DGKB: variants seen among roughly 807,000 people sequenced by gnomAD.
DGKB encodes diacylglycerol kinase beta.
A neutral mutation model predicts 114.3 loss-of-function variants in DGKB; 67 were observed. The observed-to-expected ratio is 0.59, with a 90% CI of 0.48 to 0.72. DGKB has a LOEUF of 0.72. Ranked by LOEUF, DGKB falls within the 30% of genes least tolerant of loss-of-function variation. The pLI is 0.00. For synonymous variants in DGKB, 398 were observed against 323.1 expected (o/e 1.23, Z -2.49); for missense variants, 907 against 975.2 (o/e 0.93, Z 0.93).
intron 23 of DGKB, among the ~76,000 whole-genome samples, chr7:14,246,633 C>T (rs955334529): frequency 1.3e-5 from 2 of 152,088 alleles, no homozygotes; most frequent in Non-Finnish European, 2.9e-5. Context: ...GTAACTTTAG[C>T]AAATGTGGCT....
chr7:14,506,138 G>A (rs959545673), intron 20 of DGKB, among the ~76,000 whole-genome samples: 1 of 152,066 alleles, frequency 6.6e-6, no homozygotes, highest in Non-Finnish European at 1.5e-5. Flanking sequence ...CACTAGACAC[G>A]ATGACTAACC....
intron 23 of DGKB, among the ~76,000 whole-genome samples, chr7:14,321,019 G>T (rs117171258): frequency 6.6e-5 from 10 of 152,300 alleles, no homozygotes; most frequent in East Asian, 1.9e-4. Flanking sequence ...AGCCAGGAAA[G>T]GTGGCTCATG....
At position 14,277,220 on chromosome 7, in the gene DGKB, G is replaced by C. The variant is rs555100814; in HGVS notation, c.2122+61295C>G. Reference sequence around the variant, plus strand: ...GAGTCTCACTCTGTTGCCTGGGCTAGAGTGCAGTGATGTGATCTCGGCTCA... The same window carrying C: ...GAGTCTCACTCTGTTGCCTGGGCTACAGTGCAGTGATGTGATCTCGGCTCA... On this transcript the variant is annotated intron_variant, in intron 23 of 25. Transcript: ENST00000402815. Among the ~76,000 whole-genome samples the C allele has an allele frequency of 5.3e-5, 8 of 152,068 alleles. No individual in the cohort carries two copies. The East Asian group carries it at 1.6e-3, about 29-fold the overall frequency.
intron 21 of DGKB, among the ~76,000 whole-genome samples, chr7:14,386,448 G>C (rs1265760718): frequency 6.6e-6 from 1 of 152,138 alleles, no homozygotes; most frequent in East Asian, 1.9e-4. Flanking sequence ...CGTGACTCCT[G>C]TATCATGTAT....
chr7:14,576,678 A>G (rs1043841330), intron 19 of DGKB, among the ~76,000 whole-genome samples: 5 of 152,192 alleles, frequency 3.3e-5, no homozygotes, highest in Non-Finnish European at 7.3e-5. Context: ...ACCGTCCAAC[A>G]TAACACTGGA....
chr7:14,605,344 A>C, intron 17 of DGKB, among the ~76,000 whole-genome samples: 1 of 147,000 alleles, frequency 6.8e-6, no homozygotes, highest in South Asian at 2.1e-4. Flanking sequence ...TATATTTCAT[A>C]TATATATTTC....
At chr7:14,576,558 CGT>C (rs961028207) in intron 19 of DGKB, among the ~76,000 whole-genome samples, 10 of 151,678 alleles carry the variant, frequency 6.6e-5, no homozygotes, top group African/African-American at 1.9e-4. Context: ...ATAGGAGTAT[CGT>C]GTGTGTGTAT....
chr7:14,291,077 G>C (rs1468406293), intron 23 of DGKB, among the ~76,000 whole-genome samples: 1 of 148,788 alleles, frequency 6.7e-6, no homozygotes, highest in Non-Finnish European at 1.5e-5. Context: ...AAGAGGCAGA[G>C]GTTGCAGTGA....
chr7:14,305,740 T>A (rs762585382), intron 23 of DGKB, among the ~76,000 whole-genome samples: 20 of 152,170 alleles, frequency 1.3e-4, no homozygotes, highest in Admixed American at 3.9e-4. Flanking sequence ...GATCTTATCA[T>A]TGTAATGATC....
chr7:14,645,574 G>A (rs1470327038), intron 13 of DGKB, among the ~76,000 whole-genome samples: 1 of 151,866 alleles, frequency 6.6e-6, no homozygotes, highest in Admixed American at 6.6e-5. Flanking sequence ...ACAGTCAACA[G>A]TCAATGATAA....
chr7:14,549,229 AT>A (rs1264188111), intron 20 of DGKB, among the ~76,000 whole-genome samples: 2 of 152,130 alleles, frequency 1.3e-5, no homozygotes, highest in South Asian at 4.1e-4. Context: ...ACTCAGAAAG[AT>A]GGTACTATTG....
At chr7:14,852,104 T>A (rs1319870258) in intron 1 of DGKB, among the ~76,000 whole-genome samples, 3 of 152,214 alleles carry the variant, frequency 2.0e-5, no homozygotes, top group Admixed American at 6.5e-5. Context: ...CTACAACAAG[T>A]TACTTCAGGT....
chr7:14,643,862 G>C (rs1812351041), intron 13 of DGKB, among the ~76,000 whole-genome samples: 1 of 152,104 alleles, frequency 6.6e-6, no homozygotes. Context: ...CTCAGGAATT[G>C]CTACCACTTC....
chr7:14,370,424 A>G (rs1461918276), intron 21 of DGKB, among the ~76,000 whole-genome samples: 2 of 152,270 alleles, frequency 1.3e-5, no homozygotes, highest in Admixed American at 6.5e-5. Flanking sequence ...TTTTGGTTCC[A>G]TATGAAATTT....
chr7:14,912,417 A>G (rs1385107180), intron 1 of DGKB, among the ~76,000 whole-genome samples: 1 of 152,150 alleles, frequency 6.6e-6, no homozygotes, highest in Non-Finnish European at 1.5e-5. Flanking sequence ...CAACAATGAA[A>G]CATTTAGAGT....
At chr7:14,446,900 C>T (rs1020643120) in intron 21 of DGKB, among the ~76,000 whole-genome samples, 1 of 152,124 alleles carries the variant, frequency 6.6e-6, no homozygotes, top group African/African-American at 2.4e-5. Flanking sequence ...GCACCTGTAT[C>T]GCCCCTGTGG....
At chr7:14,577,222 T>C (rs888476461) in intron 19 of DGKB, among the ~76,000 whole-genome samples, 3 of 152,196 alleles carry the variant, frequency 2.0e-5, no homozygotes, top group African/African-American at 7.2e-5. Flanking sequence ...TAATATTTAT[T>C]TTATATTTAA....
chr7:14,916,839 C>T (rs10258956), intron 1 of DGKB, among the ~76,000 whole-genome samples: 30,006 of 151,824 alleles, frequency 0.2, 4,759 homozygotes, highest in East Asian at 0.81. Flanking sequence ...GCAGAATACA[C>T]ATTCTTTTCA....
At chr7:14,790,167 G>A (rs996735421) in intron 2 of DGKB, among the ~76,000 whole-genome samples, 2 of 151,958 alleles carry the variant, frequency 1.3e-5, no homozygotes, top group East Asian at 1.9e-4. Flanking sequence ...CGAATTTTGC[G>A]AGTTCATTAT....
Sources: gnomAD v4.1 joint callset for allele counts (sites outside exome capture counted in the v4.1 genomes callset) on GRCh38, gnomAD v4.1.1 for gene constraint, MANE v1.5 for transcripts, NCBI Gene and HGNC (gene_info 2026-07-23, HGNC 2026-07-21) for gene names.